The following GLI3 variants were observed in gnomAD, a reference collection of about 807,000 sequenced individuals.
GLI3 encodes the protein transcription activator GLI3.
GLI3 carries 20 observed loss-of-function variants against 100.8 expected under a neutral mutation model. That is an observed-to-expected ratio of 0.20 (90% confidence interval 0.14 to 0.29). The LOEUF (loss-of-function observed/expected upper bound fraction) is 0.29. Among genes scored for constraint, GLI3 ranks in the 10% least tolerant of loss-of-function variants. The pLI is 1.00. For synonymous variants in GLI3, 938 were observed against 860.5 expected (o/e 1.09, Z -1.58); for missense variants, 2,040 against 2,128.5 (o/e 0.96, Z 0.82).
intron 4 of GLI3, among the ~76,000 whole-genome samples, chr7:42,074,516 C>T (rs954389191): frequency 7.9e-5 from 12 of 152,210 alleles, no homozygotes; most frequent in African/African-American, 2.7e-4. Context: ...GTCTCTGGGA[C>T]GGCCCTTAAA....
chr7:41,974,307 TTATC>T lies in GLI3; in HGVS notation c.1813-1684_1813-1681del, dbSNP rs546164800. On this transcript the variant is annotated intron_variant, in intron 12 of 14. Coordinates refer to ENST00000395925, the MANE Select transcript of GLI3 (RefSeq NM_000168.6). ...GTGCCCTTGTGTGTGAACATACACA[TTATC>T]TACCCACAAAAATTCACAAATTCAC... Among the ~76,000 whole-genome samples the T allele has an allele frequency of 9.8e-5, 15 of 152,292 alleles. No homozygotes were observed. In the South Asian group the frequency reaches 1.9e-3, roughly 19 times the overall value.
chr7:42,181,465 T>C (rs1418298317), intron 2 of GLI3, among the ~76,000 whole-genome samples: 6 of 151,738 alleles, frequency 4.0e-5, no homozygotes, highest in Non-Finnish European at 5.9e-5. Context: ...AATTAGCCAG[T>C]GTGGTGGCGC....
intron 2 of GLI3, among the ~76,000 whole-genome samples, chr7:42,187,086 C>T (rs538113109): frequency 1.4e-4 from 21 of 151,884 alleles, no homozygotes; most frequent in Admixed American, 1.1e-3. Flanking sequence ...TGGCACAGGC[C>T]TGTGGTCCCA....
chr7:42,092,785 T>TTTTATTTATTTATTTATTTATTTA (rs201707528), intron 3 of GLI3, among the ~76,000 whole-genome samples: 18 of 145,372 alleles, frequency 1.2e-4, no homozygotes, highest in African/African-American at 4.1e-4. Flanking sequence ...TTTTATTTCA[T>TTTTATTTATTTATTTATTTATTTA]TTTATTTATT....
At chr7:41,996,766 C>G (rs986473634) in intron 10 of GLI3, among the ~76,000 whole-genome samples, 2 of 152,288 alleles carry the variant, frequency 1.3e-5, no homozygotes, top group South Asian at 4.1e-4. Flanking sequence ...CTTAAAGGCT[C>G]TCTTCAATAT....
chr7:42,000,627 T>TA (rs3216239), intron 10 of GLI3, among the ~76,000 whole-genome samples: 91,023 of 151,700 alleles, frequency 0.6, 28,993 homozygotes, highest in African/African-American at 0.83. Context: ...TGTCCCCAAA[T>TA]AAAAAAAGCA....
intron 10 of GLI3, among the ~76,000 whole-genome samples, chr7:42,019,464 C>A (rs1788873243): frequency 6.6e-6 from 1 of 152,118 alleles, no homozygotes; most frequent in Non-Finnish European, 1.5e-5. Flanking sequence ...AGAAAGCATC[C>A]TTCCTCCTTG....
chr7:42,134,997 T>G (rs6974655), intron 3 of GLI3, among the ~76,000 whole-genome samples: 111,879 of 151,980 alleles, frequency 0.74, 41,281 homozygotes, highest in Admixed American at 0.81. Context: ...TTTCATAGTG[T>G]ATTTAAATTT....
chr7:42,154,501 T>G (rs1411989782), intron 2 of GLI3, among the ~76,000 whole-genome samples: 2 of 152,232 alleles, frequency 1.3e-5, no homozygotes, highest in Non-Finnish European at 2.9e-5. Flanking sequence ...TATTTCATTT[T>G]TTTCCTATTA....
At chr7:42,005,092 G>C (rs1490306016) in intron 10 of GLI3, among the ~76,000 whole-genome samples, 1 of 152,190 alleles carries the variant, frequency 6.6e-6, no homozygotes, top group African/African-American at 2.4e-5. Context: ...GAAACTCACA[G>C]AACCAACACA....
At chr7:41,983,732 C>G (rs1258352354) in intron 10 of GLI3, among the ~76,000 whole-genome samples, 3 of 152,118 alleles carry the variant, frequency 2.0e-5, no homozygotes, top group Non-Finnish European at 2.9e-5. Context: ...CCACTCTGAA[C>G]TCTCCCTGTC....
rs570754536 is a variant in GLI3 at position 42,000,229 on chromosome 7, G to T, written c.1498-21481C>A. Among the ~76,000 whole-genome samples, 3 of 152,340 alleles carry T rather than the reference G, an allele frequency of 2.0e-5. No homozygotes were observed. The South Asian group carries it at 6.2e-4, about 32-fold the overall frequency. On this transcript the variant is annotated intron_variant, in intron 10 of 14. Transcript: ENST00000395925. ...TGCAGAAATTAAGGGTAGTTGATTT[G>T]TAGAGTAGAGTGAGAATTAGGCAGA...
chr7:42,208,373 A>C lies in GLI3; in HGVS notation c.124+14757T>G, dbSNP rs1198474218. Reference sequence around the variant, plus strand: ...TGAATTATTTTAATAATTTCTATATAATAAACCATCTAATCTTCGTTAGAT... The same window carrying C: ...TGAATTATTTTAATAATTTCTATATCATAAACCATCTAATCTTCGTTAGAT... On this transcript the variant is annotated intron_variant, in intron 2 of 14. Coordinates refer to ENST00000395925, the MANE Select transcript of GLI3 (RefSeq NM_000168.6). Among the ~76,000 whole-genome samples, 3 of 152,234 alleles carry C rather than the reference A, an allele frequency of 2.0e-5. No individual in the cohort carries two copies. The East Asian group carries it at 5.8e-4, about 29-fold the overall frequency.
intron 2 of GLI3, among the ~76,000 whole-genome samples, chr7:42,173,714 T>C (rs1226865429): frequency 1.3e-5 from 2 of 152,114 alleles, no homozygotes; most frequent in Non-Finnish European, 2.9e-5. Flanking sequence ...GGGAACATGA[T>C]CAACTCTAGC....
At chr7:42,069,035 A>G (rs1182823295) in intron 4 of GLI3, among the ~76,000 whole-genome samples, 1 of 152,188 alleles carries the variant, frequency 6.6e-6, no homozygotes, top group Non-Finnish European at 1.5e-5. Flanking sequence ...AGTACCTCCC[A>G]GGCCCCCGCA....
Position 41,965,508 on chromosome 7 carries a change from G to C in GLI3, c.3565C>G (p.Arg1189Gly). Reference protein sequence around the residue: ...CGPRPAVPQTRAFGFCNGMVV... With the variant: ...CGPRPAVPQTGAFGFCNGMVV... ...ATGCCGTTGCAGAACCCAAAGGCGC[G>C]AGTCTGCGGCACAGCGGGCCGCGGC... is the stretch of plus-strand genomic sequence containing the variant. Residue 1189 changes from arginine (R) to glycine (G), a missense_variant, in exon 15 of 15, where the codon CGC (arginine) becomes GGC (glycine). By Grantham distance (125) the Arg-to-Gly change is moderately radical. Transcript: ENST00000395925. The C allele has an allele frequency of 6.2e-7, 1 of 1,607,362 alleles. No individual in the cohort carries two copies. The highest frequency in any genetic ancestry group is 1.1e-5 in the South Asian group (1 of 90,986).
chr7:42,221,204 A>T (rs1472718251), intron 2 of GLI3, among the ~76,000 whole-genome samples: 1 of 152,188 alleles, frequency 6.6e-6, no homozygotes, highest in African/African-American at 2.4e-5. Flanking sequence ...CAGAATCATG[A>T]GGGAAACCCG....
rs1788906611 is a variant in GLI3 at position 42,020,539 on chromosome 7, G to C, written c.1497+2929C>G. On this transcript the variant is annotated intron_variant, in intron 10 of 14. Transcript: ENST00000395925. ...AGAGGGGGAAAAAGAATGGGTCACG[G>C]CTATAAATAAGGCAGAGCATCAGAA... Among the ~76,000 whole-genome samples, 3 of 152,112 alleles carry C rather than the reference G, an allele frequency of 2.0e-5. No homozygotes were observed. The South Asian group carries it at 6.2e-4, about 31-fold the overall frequency.
intron 11 of GLI3, among the ~76,000 whole-genome samples, chr7:41,978,231 A>C (rs1165018086): frequency 6.6e-6 from 1 of 152,208 alleles, no homozygotes; most frequent in Admixed American, 6.5e-5. Context: ...TAGGAAAGGA[A>C]GGGAAAACTT....
Sources: gnomAD v4.1 joint callset for allele counts (sites outside exome capture counted in the v4.1 genomes callset) on GRCh38, gnomAD v4.1.1 for gene constraint, MANE v1.5 for transcripts, NCBI Gene and HGNC (gene_info 2026-07-23, HGNC 2026-07-21) for gene names.